Variants in SV2B observed in about 807,000 individuals in gnomAD.
SV2B encodes solute carrier family 22 member B2.
In SV2B, 41 loss-of-function variants were observed where a neutral mutation model predicts 73.9. That is an observed-to-expected ratio of 0.56 (90% confidence interval 0.43 to 0.72). The LOEUF is 0.72. Among genes scored for constraint, SV2B ranks in the 30% least tolerant of loss-of-function variants. SV2B has a pLI of 0.00. For synonymous variants in SV2B, 314 were observed against 314.2 expected (o/e 1.00, Z 0.01); for missense variants, 764 against 857.8 (o/e 0.89, Z 1.37).
chr15:91,254,823 T>A (rs905202421), intron 4 of SV2B, among the ~76,000 whole-genome samples: 21 of 152,186 alleles, frequency 1.4e-4, no homozygotes, highest in Non-Finnish European at 2.8e-4. Context: ...CCAGCTTCCC[T>A]CCTGGAAGCA....
intron 1 of SV2B, among the ~76,000 whole-genome samples, chr15:91,180,712 C>G (rs1355916662): frequency 6.6e-6 from 1 of 152,224 alleles, no homozygotes; most frequent in Non-Finnish European, 1.5e-5. Flanking sequence ...GCATTCTTCA[C>G]GTAGTTCTTG....
intron 1 of SV2B, among the ~76,000 whole-genome samples, chr15:91,194,466 A>G (rs1310534238): frequency 6.6e-6 from 1 of 151,912 alleles, no homozygotes; most frequent in Admixed American, 6.6e-5. Flanking sequence ...GGCCATACGC[A>G]CTCTTTTCTC....
At chr15:91,157,196 C>T (rs537356325) in intron 1 of SV2B, among the ~76,000 whole-genome samples, 6 of 152,228 alleles carry the variant, frequency 3.9e-5, no homozygotes, top group African/African-American at 1.2e-4. Context: ...CAGAACCTTC[C>T]GGGAAGCATG....
rs142743072 is a variant in SV2B, at chr15:91,206,006, A to G, written c.-391-19867A>G. Among the ~76,000 whole-genome samples, 1,093 of 151,954 alleles carry G rather than the reference A, an allele frequency of 7.2e-3. 16 individuals carry two copies. Among genetic ancestry groups the G allele is most frequent in the South Asian group, 0.023 (111 of 4,790 alleles). On this transcript the variant is annotated intron_variant, in intron 1 of 12. Transcript: ENST00000394232. The stretch of plus-strand genomic sequence containing the variant: ...ATATCTTTTTACACCAGAAACAACT[A>G]CTGTTTTTGTTGTTGTGGTGGTGGT...
rs947756049 is a variant in SV2B, at chr15:91,197,978, T to G, written c.-391-27895T>G. Among the ~76,000 whole-genome samples, 3 of 152,116 alleles carry G rather than the reference T, an allele frequency of 2.0e-5. No individual in the cohort carries two copies. The highest frequency in any genetic ancestry group is 7.2e-5 in the African/African-American group (3 of 41,420). ...GAACCTGGGAGGCTGGAGGTTACAG[T>G]GAACCGAGATCGTGCCATTACACTA... On this transcript the variant is annotated intron_variant, in intron 1 of 12. Transcript: ENST00000394232. The surrounding 1 kb of genome is among the most constrained non-coding windows in gnomAD (Gnocchi z 4.9).
chr15:91,124,047 C>G lies in SV2B; in HGVS notation c.-392+23684C>G, dbSNP rs1186432753. On this transcript the variant is annotated intron_variant, in intron 1 of 12. Coordinates refer to ENST00000394232, the MANE Select transcript of SV2B (RefSeq NM_001323032.3). This position sits in a 1 kb window ranked among gnomAD's most constrained non-coding sequence, Gnocchi z 4.6. The stretch of plus-strand genomic sequence containing the variant: ...TGAAATCCCTCAGAAAATACTTTGT[C>G]CATGTCACCTTGTTGCACTCCTCAT... Among the ~76,000 whole-genome samples the G allele has an allele frequency of 2.0e-5, 3 of 152,144 alleles. No individual in the cohort carries two copies. The highest frequency in any genetic ancestry group is 6.5e-5 in the Admixed American group (1 of 15,274).
chr15:91,277,899 G>A (rs1260054651), intron 9 of SV2B, among the ~76,000 whole-genome samples: 2 of 152,160 alleles, frequency 1.3e-5, no homozygotes, highest in Non-Finnish European at 2.9e-5. Flanking sequence ...GGCAGTAAAT[G>A]TGCTAGGATC....
At chr15:91,116,869 G>A (rs984298789) in intron 1 of SV2B, among the ~76,000 whole-genome samples, 12 of 152,162 alleles carry the variant, frequency 7.9e-5, no homozygotes, top group African/African-American at 2.4e-4. Context: ...CTTACATGGC[G>A]GCAGGCAAGA....
At chr15:91,159,757 CAAAT>C (rs2043644572) in intron 1 of SV2B, among the ~76,000 whole-genome samples, 1 of 151,876 alleles carries the variant, frequency 6.6e-6, no homozygotes, top group African/African-American at 2.4e-5. Context: ...TATTATTTGT[CAAAT>C]AAATAATTTA....
chr15:91,251,729 TA>T, intron 2 of SV2B, 89 bp from the exon 3 acceptor site: 1 of 1,394,758 alleles, frequency 7.2e-7, no homozygotes, highest in Non-Finnish European at 9.7e-7. Context: ...CTAGGATAAA[TA>T]AAAATGAACA....
intron 1 of SV2B, among the ~76,000 whole-genome samples, chr15:91,146,307 G>T (rs184353281): frequency 6.6e-6 from 1 of 151,870 alleles, no homozygotes; most frequent in Non-Finnish European, 1.5e-5. Context: ...CTTATTTCTG[G>T]CTCTCTTTAT....
intron 1 of SV2B, among the ~76,000 whole-genome samples, chr15:91,222,775 A>T (rs1033522810): frequency 3.9e-5 from 6 of 152,178 alleles, no homozygotes; most frequent in African/African-American, 1.2e-4. Context: ...CAGTTTCTTA[A>T]TCTGTGTAAC....
At position 91,227,873 on chromosome 15, in the gene SV2B, G is replaced by T. The variant is rs1290650113; in HGVS notation, c.451+1159G>T. ...AAGAGCTAGCAAACAGTTCTGTAAA[G>T]ACCCAGATAGTAAATATTGTAGACC... On this transcript the variant is annotated intron_variant, in intron 2 of 12. Coordinates refer to ENST00000394232, the MANE Select transcript of SV2B (RefSeq NM_001323032.3). This position sits in a 1 kb window ranked among gnomAD's most constrained non-coding sequence, Gnocchi z 4.5. 1.3e-5 allele frequency among the ~76,000 whole-genome samples: 2 copies of T among 152,194 alleles called. No homozygotes were observed. Among genetic ancestry groups the T allele is most frequent in the Non-Finnish European group, 1.5e-5 (1 of 68,036 alleles).
Position 91,127,518 on chromosome 15 carries a change from G to A in SV2B, c.-392+27155G>A, listed in dbSNP as rs1446943740. 7.9e-5 allele frequency among the ~76,000 whole-genome samples: 12 copies of A among 152,154 alleles called. No homozygotes were observed. The East Asian group carries it at 2.3e-3, about 29-fold the overall frequency. The stretch of plus-strand genomic sequence containing the variant: ...TCCCTCAGCAGGAAGGCTCAGTAGG[G>A]GTTTAGAAAGCAGATTGTCCACACT... On this transcript the variant is annotated intron_variant, in intron 1 of 12. Coordinates refer to ENST00000394232, the MANE Select transcript of SV2B (RefSeq NM_001323032.3).
chr15:91,132,365 G>A lies in SV2B; in HGVS notation c.-392+32002G>A, dbSNP rs115249823. On this transcript the variant is annotated intron_variant, in intron 1 of 12. Coordinates refer to ENST00000394232, the MANE Select transcript of SV2B (RefSeq NM_001323032.3). The surrounding 1 kb of genome is among the most constrained non-coding windows in gnomAD (Gnocchi z 4.6). ...AGGTCACACACCTGTGCAAACATTG[G>A]TTGCAAAAACAATCAGGGGTTAGGG... Among the ~76,000 whole-genome samples, 4,225 of 152,266 alleles carry A rather than the reference G, an allele frequency of 0.028. 190 individuals carry two copies. Among genetic ancestry groups the A allele is most frequent in the African/African-American group, 0.094 (3,906 of 41,538 alleles).
At chr15:91,200,887 G>A (rs767638068) in intron 1 of SV2B, among the ~76,000 whole-genome samples, 8 of 152,126 alleles carry the variant, frequency 5.3e-5, no homozygotes, top group Non-Finnish European at 8.8e-5. Flanking sequence ...CTCCAGCCTC[G>A]GTGATGGAGA....
intron 2 of SV2B, among the ~76,000 whole-genome samples, chr15:91,244,243 C>T (rs1567384755): frequency 1.3e-5 from 2 of 152,324 alleles, no homozygotes; most frequent in Admixed American, 1.3e-4. Context: ...TGTGATCTAT[C>T]ACAGTGTCTT....
intron 9 of SV2B, among the ~76,000 whole-genome samples, chr15:91,275,784 C>CCACTG (rs941430719): frequency 6.6e-6 from 1 of 152,148 alleles, no homozygotes; most frequent in Non-Finnish European, 1.5e-5. Flanking sequence ...TGAGATACCA[C>CCACTG]CACTGCACTC....
At chr15:91,172,027 G>A (rs1242022876) in intron 1 of SV2B, among the ~76,000 whole-genome samples, 1 of 152,142 alleles carries the variant, frequency 6.6e-6, no homozygotes, top group African/African-American at 2.4e-5. Context: ...CATCATTGTG[G>A]TGGGGGTTAA....
Sources: gnomAD v4.1 joint callset for allele counts (sites outside exome capture counted in the v4.1 genomes callset) on GRCh38, gnomAD v4.1.1 for gene constraint, Gnocchi (gnomAD v3.1) non-coding constraint, MANE v1.5 for transcripts, NCBI Gene and HGNC (gene_info 2026-07-23, HGNC 2026-07-21) for gene names.